HK1: variants seen among roughly 807,000 people sequenced by gnomAD.
HK1 encodes the protein hexokinase-1.
HK1 carries 28 observed loss-of-function variants against 91.6 expected under a neutral mutation model. That is an observed-to-expected ratio of 0.31 (90% CI 0.23 to 0.42). The LOEUF is 0.42. Among genes scored for constraint, HK1 ranks in the 10% least tolerant of loss-of-function variants. The pLI, the probability that HK1 is intolerant of heterozygous loss-of-function variation, is 1.00. For synonymous variants in HK1, 430 were observed against 468.1 expected, an observed-to-expected ratio of 0.92 and a Z score of 1.05; for missense variants, 770 against 1,219.8, an observed-to-expected ratio of 0.63 and a Z score of 5.49.
At chr10:69,324,565 C>G (rs76246714) in intron 1 of HK1, among the ~76,000 whole-genome samples, 4 of 151,746 alleles carry the variant, frequency 2.6e-5, no homozygotes, top group African/African-American at 9.7e-5. Flanking sequence ...GGTGACAGAA[C>G]GAGACTCCAT....
Position 69,288,529 on chromosome 10 carries a change from T to C in HK1, c.-214-142T>C, listed in dbSNP as rs1589439331. 20 of 621,732 alleles carry C rather than the reference T, an allele frequency of 3.2e-5. No homozygotes were observed. In the East Asian group the frequency reaches 5.6e-4, roughly 17 times the overall value. 38.5% of individuals were successfully genotyped at this position (621,732 alleles called of 1,614,324 possible). ...AGGAGAAACTTTATGACATTTTACC[T>C]GGGTTTACGAATACTCTAGAAATGT... On this transcript the variant is annotated intron_variant, in intron 2 of 21. Coordinates refer to the HK1 transcript ENST00000360289.
intron 1 of HK1, chr10:69,338,588 AT>A: frequency 7.8e-7 from 1 of 1,289,284 alleles, no homozygotes; most frequent in Non-Finnish European, 1.0e-6. Context: ...GTGGGGAGGG[AT>A]TCTTCGGGCA....
chr10:69,309,997 C>T lies in HK1; in HGVS notation c.27+9136C>T, dbSNP rs368196198. On this transcript the variant is annotated intron_variant, in intron 5 of 21. Coordinates refer to the HK1 transcript ENST00000360289. Reference sequence around the variant, plus strand: ...CCCGGGAGGCGGAGGTCACAGTGAGCCGGGATCACGCTACTGCACTCCAGC... The same window carrying T: ...CCCGGGAGGCGGAGGTCACAGTGAGTCGGGATCACGCTACTGCACTCCAGC... Among the ~76,000 whole-genome samples, 342 of 150,592 alleles carry T rather than the reference C, an allele frequency of 2.3e-3. 1 individual carries two copies. The highest frequency in any genetic ancestry group is 0.017 in the Middle Eastern group (5 of 292).
chr10:69,401,571 C>T lies in HK1; in HGVS notation c.*436C>T, dbSNP rs879012680. The T allele has an allele frequency of 4.6e-5, 17 of 367,656 alleles. No homozygotes were observed. Among genetic ancestry groups the T allele is most frequent in the African/African-American group, 2.1e-4 (10 of 46,744 alleles). The allele number at this position is 367,656 out of a possible 1,614,324, so 22.8% of individuals were successfully genotyped here. A position where few individuals can be genotyped will look rare whatever the true frequency, so the allele number is the denominator to read the frequency against. On this transcript the variant is annotated 3_prime_UTR_variant, in exon 18 of 18. Coordinates refer to ENST00000359426, the MANE Select transcript of HK1 (RefSeq NM_000188.3). ...AGCAGACACTGCCGGGCCTCCCTCCCGGGGGCACTGCCTGAAGGCGAGTGT... is the reference window on the plus strand; with the variant it reads ...AGCAGACACTGCCGGGCCTCCCTCCTGGGGGCACTGCCTGAAGGCGAGTGT...
intron 1 of HK1, 80 bp from the exon 2 acceptor site, chr10:69,343,747 G>C (rs1435836675): frequency 2.8e-6 from 3 of 1,072,940 alleles, no homozygotes; most frequent in Non-Finnish European, 2.9e-6. Flanking sequence ...GTGGGAGCTG[G>C]CTATCTCAGC....
intron 5 of HK1, among the ~76,000 whole-genome samples, chr10:69,305,218 G>A (rs1404561678): frequency 2.0e-5 from 3 of 152,186 alleles, no homozygotes; most frequent in Non-Finnish European, 4.4e-5. Flanking sequence ...CAGAATAGCT[G>A]TGTCTCTTAA....
intron 7 of HK1, among the ~76,000 whole-genome samples, chr10:69,376,187 T>C (rs1460081428): frequency 6.6e-6 from 1 of 152,202 alleles, no homozygotes; most frequent in Non-Finnish European, 1.5e-5. Flanking sequence ...GAATACTTCC[T>C]GGCCACCTCC....
chr10:69,389,252 C>T lies in HK1; in HGVS notation c.1991C>T (p.Thr664Ile). The change falls in exon 14 of 18, where the codon ACC becomes ATC. Residue 664 changes from threonine to isoleucine, a missense_variant. Thr to Ile is a moderately conservative substitution (Grantham distance 89, BLOSUM62 -1). Around this residue, in one of 7 missense-constraint regions of HK1, gnomAD observed 152 missense variants for 211.1 expected, o/e 0.72. Transcript: ENST00000359426. ...VVNDTVGTMM[T>I]CAYEEPTCEV... Reference sequence around the variant, plus strand: ...AACGACACAGTGGGCACCATGATGACCTGTGCTTATGAGGAGCCCACCTGT... The same window carrying T: ...AACGACACAGTGGGCACCATGATGATCTGTGCTTATGAGGAGCCCACCTGT... The T allele has an allele frequency of 6.2e-7, 1 of 1,613,890 alleles. No individual in the cohort carries two copies. Among genetic ancestry groups the T allele is most frequent in the Non-Finnish European group, 8.5e-7 (1 of 1,179,878 alleles).
chr10:69,299,621 C>A (rs970293708), intron 4 of HK1, among the ~76,000 whole-genome samples: 1 of 151,242 alleles, frequency 6.6e-6, no homozygotes, highest in African/African-American at 2.5e-5. Flanking sequence ...AGCTCGGCCT[C>A]CCAAAGTGCT....
At chr10:69,314,109 C>T (rs916747763), upstream of HK1, among the ~76,000 whole-genome samples, 1 of 152,200 alleles carries the variant, frequency 6.6e-6, no homozygotes, top group Non-Finnish European at 1.5e-5. Context: ...CCCCACTGAG[C>T]TCAGGATCTG....
chr10:69,338,296 T>A lies in HK1; in HGVS notation c.64-5531T>A, dbSNP rs183788281. ...GTGGACAGAGGCCCTGGAGGCTGGA[T>A]GCGGGTTCTCAGGCAAGAGTCTGAG... On this transcript the variant is annotated intron_variant, in intron 1 of 17. Transcript: ENST00000359426. 7.5e-5 allele frequency: 89 copies of A among 1,179,628 alleles called. 1 individual carries two copies. The East Asian group carries it at 4.9e-3, about 65-fold the overall frequency. The allele number at this position is 1,179,628 out of a possible 1,614,324, so 73.1% of individuals were successfully genotyped here. A position where few individuals can be genotyped will look rare whatever the true frequency, so the allele number is the denominator to read the frequency against.
intron 1 of HK1, among the ~76,000 whole-genome samples, chr10:69,335,750 A>G (rs556620504): frequency 5.9e-5 from 9 of 152,204 alleles, no homozygotes; most frequent in Non-Finnish European, 1.2e-4. Flanking sequence ...AGTCATAGGA[A>G]CGCACCCACT....
intron 9 of HK1, among the ~76,000 whole-genome samples, chr10:69,381,051 C>T (rs1839361757): frequency 6.6e-6 from 1 of 152,126 alleles, no homozygotes; most frequent in Non-Finnish European, 1.5e-5. Flanking sequence ...ACTTGTAATC[C>T]CAGCACTTTG....
At chr10:69,306,005 G>T (rs1846084799) in intron 5 of HK1, among the ~76,000 whole-genome samples, 1 of 152,166 alleles carries the variant, frequency 6.6e-6, no homozygotes, top group South Asian at 2.1e-4. Flanking sequence ...ATAAGCCACA[G>T]TAGGATCTGT....
chr10:69,377,179 G>T, intron 8 of HK1, 90 bp downstream of exon 8: 1 of 1,493,428 alleles, frequency 6.7e-7, no homozygotes, highest in South Asian at 1.2e-5. Flanking sequence ...AAGTTTGGTG[G>T]CTTTTCCTTC....
intron 3 of HK1, among the ~76,000 whole-genome samples, chr10:69,291,334 T>C (rs1296636511): frequency 2.6e-5 from 4 of 152,218 alleles, no homozygotes; most frequent in African/African-American, 7.2e-5. Flanking sequence ...CAGACACAGA[T>C]GGAAATCCAG....
intron 3 of HK1, among the ~76,000 whole-genome samples, chr10:69,294,099 G>A (rs1845435008): frequency 6.6e-6 from 1 of 151,944 alleles, no homozygotes; most frequent in Non-Finnish European, 1.5e-5. Flanking sequence ...CTGACCTTGT[G>A]ATCCACCCGC....
At chr10:69,336,419 G>A (rs1434763677) in intron 1 of HK1, among the ~76,000 whole-genome samples, 5 of 151,794 alleles carry the variant, frequency 3.3e-5, no homozygotes, top group African/African-American at 9.7e-5. Flanking sequence ...TTGAACTCCC[G>A]ATCTCAGGTG....
At chr10:69,293,163 T>G (rs1199182641) in intron 3 of HK1, among the ~76,000 whole-genome samples, 1 of 152,212 alleles carries the variant, frequency 6.6e-6, no homozygotes, top group Non-Finnish European at 1.5e-5. Flanking sequence ...ATCTTCTGTA[T>G]GTGGGGACGT....
Sources: gnomAD v4.1 joint callset for allele counts (sites outside exome capture counted in the v4.1 genomes callset) on GRCh38, gnomAD v4.1.1 for gene constraint, gnomAD v4.1.1 regional missense constraint, MANE v1.5 for transcripts, NCBI Gene and HGNC (gene_info 2026-07-23, HGNC 2026-07-21) for gene names.